CDC42BPA: variants seen among roughly 807,000 people sequenced by gnomAD.
The protein encoded by CDC42BPA is CDC42 binding protein kinase alpha.
In CDC42BPA, 80 loss-of-function variants were observed where a neutral mutation model predicts 223.5. The observed-to-expected ratio is 0.36, with a 90% confidence interval of 0.30 to 0.43. The LOEUF (loss-of-function observed/expected upper bound fraction) is 0.43. Ranked by LOEUF, CDC42BPA falls within the 20% of genes least tolerant of loss-of-function variation. The pLI, the probability that CDC42BPA is intolerant of heterozygous loss-of-function variation, is 1.00. For synonymous variants in CDC42BPA, 694 were observed against 718.6 expected (o/e 0.97, Z 0.55); for missense variants, 1,743 against 2,099.9 (o/e 0.83, Z 3.32).
At chr1:227,021,916 A>G (rs1289817400) in intron 32 of CDC42BPA, among the ~76,000 whole-genome samples, 2 of 151,996 alleles carry the variant, frequency 1.3e-5, no homozygotes, top group Non-Finnish European at 2.9e-5. Flanking sequence ...GCTACTCAGG[A>G]GGCTGAGGCA....
intron 5 of CDC42BPA, among the ~76,000 whole-genome samples, chr1:227,169,072 A>C (rs1665653152): frequency 6.7e-6 from 1 of 149,730 alleles, no homozygotes; most frequent in African/African-American, 2.5e-5. Flanking sequence ...TTTTGCAGTG[A>C]AAATTTTCAT....
intron 34 of CDC42BPA, among the ~76,000 whole-genome samples, chr1:227,009,629 T>C (rs1664781682): frequency 6.6e-6 from 1 of 152,016 alleles, no homozygotes; most frequent in South Asian, 2.1e-4. Context: ...TTGCCCAGGC[T>C]TGTCTCAAAC....
rs953991531 is a variant in CDC42BPA at position 227,091,998 on chromosome 1, C to T, written c.2250-7G>A. On this transcript the variant is annotated splice_polypyrimidine_tract_variant and splice_region_variant and intron_variant, in intron 15 of 36. Coordinates refer to ENST00000366766, the MANE Select transcript of CDC42BPA (RefSeq NM_001394014.1). ...TTCCTCCCTTTCACTTTGACTAACACAATTCAAAACACAAAAGGAAAAAGG... is the reference window on the plus strand; with the variant it reads ...TTCCTCCCTTTCACTTTGACTAACATAATTCAAAACACAAAAGGAAAAAGG... The T allele has an allele frequency of 6.8e-7, 1 of 1,462,446 alleles. No homozygotes were observed. Among genetic ancestry groups the T allele is most frequent in the Non-Finnish European group, 9.4e-7 (1 of 1,064,684 alleles). 90.6% of individuals were successfully genotyped at this position (1,462,446 alleles called of 1,614,324 possible).
chr1:227,149,888 A>C (rs1213259565), intron 6 of CDC42BPA, among the ~76,000 whole-genome samples: 1 of 152,154 alleles, frequency 6.6e-6, no homozygotes, highest in Non-Finnish European at 1.5e-5. Context: ...TTTTTCAAGA[A>C]TGATATAAGA....
intron 5 of CDC42BPA, among the ~76,000 whole-genome samples, chr1:227,185,464 C>T (rs571392849): frequency 2.3e-4 from 35 of 152,238 alleles, no homozygotes; most frequent in East Asian, 2.1e-3. Context: ...CATGGTGCCC[C>T]GCATTTGCAT....
In CDC42BPA at chr1:227,112,697, G is replaced by A; in HGVS notation, c.1864C>T (p.Arg622Cys). The change falls in exon 13 of 37, where the codon CGC becomes TGC. Residue 622 changes from arginine (R) to cysteine (C), a missense_variant. By Grantham distance (180) the Arg-to-Cys change is radical. Around this residue, in one of 6 missense-constraint regions of CDC42BPA, gnomAD observed 464 missense variants for 488.0 expected, o/e 0.95. Transcript: ENST00000366766. ...TCTTTTTTGGCTCTTTCTGTTCTGC[G>A]CAGTTCTTGCCTTAAGCTTTCAACT... is the stretch of plus-strand genomic sequence containing the variant. ...QKVESLRQEL[R>C]RTERAKKELE... 7 of 1,613,912 alleles carry A rather than the reference G, an allele frequency of 4.3e-6. No homozygotes were observed. The highest frequency in any genetic ancestry group is 5.9e-6 in the Non-Finnish European group (7 of 1,179,956).
chr1:227,060,040 T>G (rs1003747258), intron 21 of CDC42BPA, among the ~76,000 whole-genome samples: 4 of 144,488 alleles, frequency 2.8e-5, no homozygotes, highest in Admixed American at 6.9e-5. Flanking sequence ...GTTTTTTTTT[T>G]TTTTTTTTGA....
intron 1 of CDC42BPA, among the ~76,000 whole-genome samples, chr1:227,284,735 T>A (rs1314623398): frequency 6.6e-6 from 1 of 151,982 alleles, no homozygotes; most frequent in Non-Finnish European, 1.5e-5. Context: ...CCAAGGTGGG[T>A]GGATCACTTG....
At chr1:227,089,448 T>C (rs1351365363) in intron 16 of CDC42BPA, among the ~76,000 whole-genome samples, 1 of 152,158 alleles carries the variant, frequency 6.6e-6, no homozygotes, top group African/African-American at 2.4e-5. Context: ...GAACAAAAGT[T>C]TGAGAAACAG....
At chr1:227,253,075 T>C (rs2148265692) in intron 2 of CDC42BPA, among the ~76,000 whole-genome samples, 1 of 152,270 alleles carries the variant, frequency 6.6e-6, no homozygotes, top group South Asian at 2.1e-4. Flanking sequence ...AATGGAAGAA[T>C]ATACCACGTC....
At chr1:227,062,804 T>C (rs1676191829) in intron 21 of CDC42BPA, among the ~76,000 whole-genome samples, 1 of 151,088 alleles carries the variant, frequency 6.6e-6, no homozygotes, top group Non-Finnish European at 1.5e-5. Context: ...TTACCACCCA[T>C]GTAAAAAGTG....
At chr1:227,264,130 AG>A (rs1463107052) in intron 1 of CDC42BPA, among the ~76,000 whole-genome samples, 1 of 152,168 alleles carries the variant, frequency 6.6e-6, no homozygotes, top group Non-Finnish European at 1.5e-5. Flanking sequence ...TATAATCCAC[AG>A]GTTTATAGAC....
intron 5 of CDC42BPA, among the ~76,000 whole-genome samples, chr1:227,177,705 T>G (rs1279813977): frequency 1.3e-5 from 2 of 152,178 alleles, no homozygotes; most frequent in Non-Finnish European, 2.9e-5. Context: ...ATTCATGTAT[T>G]TCTCCAAACA....
intron 1 of CDC42BPA, among the ~76,000 whole-genome samples, chr1:227,264,360 C>T (rs1249846727): frequency 7.0e-6 from 1 of 143,382 alleles, no homozygotes; most frequent in African/African-American, 3.0e-5. Flanking sequence ...TCATGTACTG[C>T]TTTATTGTCC....
In CDC42BPA at chr1:226,991,415, A is replaced by G. The variant is rs1226269391; in HGVS notation, c.*2853T>C. ...CCTGTCTTTTCACATCATTCTTCTC[A>G]GAAGCTTCTGGAGGTAACAGGCTTC... On this transcript the variant is annotated 3_prime_UTR_variant, in exon 37 of 37. Coordinates refer to ENST00000366766, the MANE Select transcript of CDC42BPA (RefSeq NM_001394014.1). 3 of 152,196 alleles carry G rather than the reference A, an allele frequency of 2.0e-5. No individual in the cohort carries two copies. The highest frequency in any genetic ancestry group is 7.2e-5 in the African/African-American group (3 of 41,434). The allele number at this position is 152,196 out of a possible 1,614,324, so 9.4% of individuals were successfully genotyped here.
intron 15 of CDC42BPA, among the ~76,000 whole-genome samples, chr1:227,099,445 T>G (rs888533475): frequency 6.6e-6 from 1 of 151,846 alleles, no homozygotes; most frequent in Non-Finnish European, 1.5e-5. Flanking sequence ...GTACCCTTTT[T>G]AAAAAAAATC....
chr1:227,237,625 C>G (rs1402628381), intron 2 of CDC42BPA, among the ~76,000 whole-genome samples: 1 of 152,152 alleles, frequency 6.6e-6, no homozygotes, highest in Non-Finnish European at 1.5e-5. Context: ...TTGTGTTTCT[C>G]TTATTTTTTA....
chr1:227,158,493 T>C (rs573753208), intron 6 of CDC42BPA, among the ~76,000 whole-genome samples: 136 of 152,348 alleles, frequency 8.9e-4, no homozygotes, highest in Admixed American at 1.4e-3. Flanking sequence ...AAAAAATTAC[T>C]GACTGATCTC....
At chr1:227,121,810 T>TC (rs1485957706) in intron 11 of CDC42BPA, among the ~76,000 whole-genome samples, 1 of 151,006 alleles carries the variant, frequency 6.6e-6, no homozygotes, top group Non-Finnish European at 1.5e-5. Context: ...TTCTTTTTTT[T>TC]TTTTTTTGGA....
Sources: gnomAD v4.1 joint callset for allele counts (sites outside exome capture counted in the v4.1 genomes callset) on GRCh38, gnomAD v4.1.1 for gene constraint, gnomAD v4.1.1 regional missense constraint, MANE v1.5 for transcripts, NCBI Gene and HGNC (gene_info 2026-07-23, HGNC 2026-07-21) for gene names.